ATP8A1: variants seen among roughly 807,000 people sequenced by gnomAD.
ATP8A1 encodes phospholipid-transporting ATPase IA.
In ATP8A1, 90 loss-of-function variants were observed where a neutral mutation model predicts 177.7. That is an observed-to-expected ratio of 0.51 (90% CI 0.43 to 0.60). The LOEUF is 0.60. Among genes scored for constraint, ATP8A1 ranks in the 20% least tolerant of loss-of-function variants. The pLI, the probability that ATP8A1 is intolerant of heterozygous loss-of-function variation, is 0.00. For synonymous variants in ATP8A1, 493 were observed against 485.9 expected, an observed-to-expected ratio of 1.01 and a Z score of -0.19; for missense variants, 1,072 against 1,392.8, an observed-to-expected ratio of 0.77 and a Z score of 3.67.
In ATP8A1 at chr4:42,600,526, G is replaced by A; in HGVS notation, c.410-8C>T. ...AAGCACCATTTCTCAAAACTGGAAAGAGAAAAGGTGACATTTTAAACAACA... is the reference window on the plus strand; with the variant it reads ...AAGCACCATTTCTCAAAACTGGAAAAAGAAAAGGTGACATTTTAAACAACA... On this transcript the variant is annotated splice_region_variant and splice_polypyrimidine_tract_variant and intron_variant, in intron 5 of 36. Transcript: ENST00000381668. The A allele has an allele frequency of 6.2e-7, 1 of 1,608,424 alleles. No homozygotes were observed. The highest frequency in any genetic ancestry group is 8.5e-7 in the Non-Finnish European group (1 of 1,178,040).
chr4:42,517,967 C>T (rs530635095), intron 22 of ATP8A1, among the ~76,000 whole-genome samples: 1 of 152,300 alleles, frequency 6.6e-6, no homozygotes, highest in East Asian at 1.9e-4. Flanking sequence ...CATTCTAGTG[C>T]TCAGTGTGCT....
intron 27 of ATP8A1, among the ~76,000 whole-genome samples, chr4:42,461,092 G>A (rs748064295): frequency 9.9e-5 from 15 of 152,166 alleles, no homozygotes; most frequent in South Asian, 6.2e-4. Flanking sequence ...AAATTGAGAC[G>A]TGGTATAAAT....
intron 1 of ATP8A1, among the ~76,000 whole-genome samples, chr4:42,654,306 C>A (rs541138913): frequency 3.3e-5 from 5 of 152,330 alleles, no homozygotes; most frequent in Admixed American, 2.0e-4. Flanking sequence ...TTTATTCCCT[C>A]TTTAAGTCCT....
intron 14 of ATP8A1, among the ~76,000 whole-genome samples, chr4:42,570,109 C>A (rs1285497569): frequency 6.6e-6 from 1 of 152,126 alleles, no homozygotes; most frequent in Non-Finnish European, 1.5e-5. Flanking sequence ...CTTTCACTTC[C>A]TAAAAGTTCA....
chr4:42,487,726 T>G (rs1243202860), intron 24 of ATP8A1, among the ~76,000 whole-genome samples: 2 of 152,116 alleles, frequency 1.3e-5, no homozygotes, highest in Non-Finnish European at 2.9e-5. Context: ...TTTTTGAAAG[T>G]GTTTTTACAT....
chr4:42,600,275 T>C (rs1484426508), intron 6 of ATP8A1, among the ~76,000 whole-genome samples: 1 of 152,226 alleles, frequency 6.6e-6, no homozygotes, highest in Non-Finnish European at 1.5e-5. Context: ...AAGTTCTAGA[T>C]ATTTTTCAAA....
In ATP8A1 at chr4:42,445,984, G is replaced by A. The variant is rs148168358; in HGVS notation, c.2958+599C>T. ...AATTCCAGCTACTCAGGAGGCTGAG[G>A]CAGGAGAATCACATGAACCCATGAG... On this transcript the variant is annotated intron_variant, in intron 31 of 36. Transcript: ENST00000381668. Among the ~76,000 whole-genome samples the A allele has an allele frequency of 5.9e-3, 874 of 149,154 alleles. 9 individuals carry two copies. Among genetic ancestry groups the A allele is most frequent in the African/African-American group, 0.019 (790 of 40,620 alleles).
intron 20 of ATP8A1, among the ~76,000 whole-genome samples, chr4:42,529,937 G>A (rs1453461488): frequency 6.6e-6 from 1 of 152,154 alleles, no homozygotes; most frequent in African/African-American, 2.4e-5. Flanking sequence ...AAGCATGACT[G>A]GAAAATTGGT....
At chr4:42,545,790 A>G (rs758591850) in intron 19 of ATP8A1, among the ~76,000 whole-genome samples, 15 of 152,158 alleles carry the variant, frequency 9.9e-5, no homozygotes, top group Non-Finnish European at 2.2e-4. Context: ...CCTGGCCAAC[A>G]TGGTGAAACC....
chr4:42,597,118 C>A (rs9995629), intron 6 of ATP8A1, among the ~76,000 whole-genome samples: 38,127 of 152,082 alleles, frequency 0.25, 5,318 homozygotes, highest in Non-Finnish European at 0.32. Context: ...GCATGCTAGG[C>A]AAATTTGTAG....
intron 25 of ATP8A1, among the ~76,000 whole-genome samples, chr4:42,484,888 A>C (rs908340256): frequency 2.6e-5 from 4 of 152,356 alleles, no homozygotes; most frequent in East Asian, 1.9e-4. Context: ...TTTAGGTCTT[A>C]GGAAGACGGA....
chr4:42,532,902 T>C (rs1415410518), intron 20 of ATP8A1, among the ~76,000 whole-genome samples: 2 of 152,220 alleles, frequency 1.3e-5, no homozygotes, highest in East Asian at 3.8e-4. Flanking sequence ...AGGTACTTTG[T>C]AATATTCCCC....
At position 42,654,959 on chromosome 4, in the gene ATP8A1, C is replaced by T. The variant is rs7340875; in HGVS notation, c.49+1866G>A. Among the ~76,000 whole-genome samples, 623 of 152,298 alleles carry T rather than the reference C, an allele frequency of 4.1e-3. 4 individuals are homozygous for T. Among genetic ancestry groups the T allele is most frequent in the African/African-American group, 0.014 (585 of 41,568 alleles). On this transcript the variant is annotated intron_variant, in intron 1 of 36. Transcript: ENST00000381668. ...GGGCAGAGCAGGCAATGAGCCACAACGCCAGCCCCACAGAGTCATTATTTG... is the reference window on the plus strand; with the variant it reads ...GGGCAGAGCAGGCAATGAGCCACAATGCCAGCCCCACAGAGTCATTATTTG...
chr4:42,522,843 C>T (rs1375670706), intron 21 of ATP8A1, among the ~76,000 whole-genome samples: 1 of 152,168 alleles, frequency 6.6e-6, no homozygotes, highest in Non-Finnish European at 1.5e-5. Context: ...AAGGCAGTAA[C>T]ACTCCTACAG....
At chr4:42,601,410 T>G (rs1735260167) in intron 5 of ATP8A1, among the ~76,000 whole-genome samples, 1 of 151,058 alleles carries the variant, frequency 6.6e-6, no homozygotes, top group Non-Finnish European at 1.5e-5. Flanking sequence ...TACTATTAAA[T>G]TATGATGGGG....
chr4:42,507,809 A>AAAAAAAAAAAAAAAAAAAAAAAAC (rs1477576809), intron 22 of ATP8A1, among the ~76,000 whole-genome samples: 1 of 139,374 alleles, frequency 7.2e-6, no homozygotes, highest in African/African-American at 2.9e-5. Context: ...AAAAAAAAAA[A>AAAAAAAAAAAAAAAAAAAAAAAAC]CATACAAACA....
At chr4:42,435,461 A>AACAACAAC in intron 33 of ATP8A1, among the ~76,000 whole-genome samples, 1 of 122,346 alleles carries the variant, frequency 8.2e-6, no homozygotes, top group Non-Finnish European at 1.8e-5. Context: ...AAAAAAAAAA[A>AACAACAAC]AACAAACTAT....
chr4:42,477,806 TAAAA>T (rs752928528), intron 25 of ATP8A1, among the ~76,000 whole-genome samples: 1 of 103,046 alleles, frequency 9.7e-6, no homozygotes, highest in African/African-American at 3.5e-5. Flanking sequence ...ACCCTGTCTC[TAAAA>T]AAAAAAAAAA....
chr4:42,580,950 G>A (rs545255625), intron 10 of ATP8A1, among the ~76,000 whole-genome samples: 1 of 152,098 alleles, frequency 6.6e-6, no homozygotes, highest in Non-Finnish European at 1.5e-5. Flanking sequence ...TTAAAAAGTT[G>A]ACTATTGCAT....
Sources: gnomAD v4.1 joint callset for allele counts (sites outside exome capture counted in the v4.1 genomes callset) on GRCh38, gnomAD v4.1.1 for gene constraint, MANE v1.5 for transcripts, NCBI Gene and HGNC (gene_info 2026-07-23, HGNC 2026-07-21) for gene names.